Variants in ENOSF1 observed in about 807,000 individuals in gnomAD.
The protein encoded by ENOSF1 is enolase superfamily member 1, also known as mitochondrial enolase superfamily member 1.
Under a neutral mutation model 68.2 loss-of-function variants are expected in ENOSF1, and 73 were observed. The ratio of observed to expected loss-of-function variants is 1.07; its 90% CI spans 0.89 to 1.30. The LOEUF (loss-of-function observed/expected upper bound fraction) is 1.30. ENOSF1 is among the 50% of genes most tolerant of loss of function. The pLI is 0.00. For missense variants in ENOSF1, 589 were observed against 554.5 expected, an observed-to-expected ratio of 1.06 and a Z score of -0.62; for synonymous variants, 223 against 210.4, an observed-to-expected ratio of 1.06 and a Z score of -0.52.
Position 712,583 on chromosome 18 carries a change from A to C in ENOSF1, c.5T>G (p.Val2Gly). 2 of 1,477,536 alleles carry C rather than the reference A, an allele frequency of 1.4e-6. No individual in the cohort carries two copies. Among genetic ancestry groups the C allele is most frequent in the Non-Finnish European group, 1.8e-6 (2 of 1,110,186 alleles). 91.5% of individuals were successfully genotyped at this position (1,477,536 alleles called of 1,614,324 possible). M[V>G]RGRISRLSVR... The stretch of plus-strand genomic sequence containing the variant: ...CGAGAGCCGGGAGATCCTGCCGCGC[A>C]CCATGGCCCCTGCGCCCCGTGGCCG... The change falls in exon 1 of 16, where the codon GTG becomes GGG. Residue 2 changes from valine (V) to glycine (G), a missense_variant. Coordinates refer to ENST00000647584, the MANE Select transcript of ENOSF1 (RefSeq NM_017512.7).
Position 693,874 on chromosome 18 carries a change from C to T in ENOSF1, c.423+8G>A, listed in dbSNP as rs894844505. On this transcript the variant is annotated splice_region_variant and intron_variant, in intron 5 of 15. Coordinates refer to ENST00000647584, the MANE Select transcript of ENOSF1 (RefSeq NM_017512.7). Reference sequence around the variant, plus strand: ...AGAAACAATTGTAACATTAACAATGCTACTCACCATGTCCACAAGTAACTT... The same window carrying T: ...AGAAACAATTGTAACATTAACAATGTTACTCACCATGTCCACAAGTAACTT... 1 of 1,613,694 alleles carries T rather than the reference C, an allele frequency of 6.2e-7. No homozygotes were observed.
In ENOSF1 at chr18:712,415, A is replaced by T. The variant is rs531386054; in HGVS notation, c.84+89T>A. Reference sequence around the variant, plus strand: ...GCTTACCATGGCGTCCGCGCTTACCATGGCGTCCGCGCTTACCATGGCGTC... The same window carrying T: ...GCTTACCATGGCGTCCGCGCTTACCTTGGCGTCCGCGCTTACCATGGCGTC... On this transcript the variant is annotated intron_variant, in intron 1 of 15. Transcript: ENST00000647584. 3.6e-5 allele frequency: 25 copies of T among 691,152 alleles called. No homozygotes were observed. In the East Asian group the frequency reaches 6.8e-4, roughly 19 times the overall value. The allele number at this position is 691,152 out of a possible 1,614,324, so 42.8% of individuals were successfully genotyped here. A position where few individuals can be genotyped will look rare whatever the true frequency, so the allele number is the denominator to read the frequency against.
At chr18:698,797 T>C (rs1270373268) in intron 2 of ENOSF1, among the ~76,000 whole-genome samples, 2 of 152,062 alleles carry the variant, frequency 1.3e-5, no homozygotes, top group African/African-American at 4.8e-5. Context: ...ATTTCTTGTA[T>C]TTTTGGTAGA....
chr18:690,474 G>T, intron 8 of ENOSF1, 75 bp downstream of exon 8: 2 of 1,504,846 alleles, frequency 1.3e-6, no homozygotes, highest in South Asian at 2.3e-5. Flanking sequence ...TGAGAGTAGT[G>T]GTATGAGGAC....
intron 1 of ENOSF1, chr18:712,280 T>A: frequency 6.5e-7 from 1 of 1,530,690 alleles, no homozygotes; most frequent in South Asian, 1.2e-5. Flanking sequence ...AGCAATGGGT[T>A]CGAAGTCGGG....
intron 9 of ENOSF1, 117 bp from the exon 10 acceptor site, chr18:686,125 A>T (rs1194117649): frequency 1.3e-6 from 1 of 752,888 alleles, no homozygotes; most frequent in Non-Finnish European, 2.4e-6. Flanking sequence ...TTTTTTAGTA[A>T]CCTCTTGCTC....
At chr18:669,173 G>A, downstream of ENOSF1, 1 of 1,613,882 alleles carries the variant, frequency 6.2e-7, no homozygotes, top group South Asian at 1.1e-5. Flanking sequence ...GAATCCAAGA[G>A]GTTGAAAGAA....
At position 688,437 on chromosome 18, in the gene ENOSF1, C is replaced by A. The variant is rs2076834254; in HGVS notation, c.653+137G>T. The A allele has an allele frequency of 9.4e-6, 10 of 1,069,510 alleles. No individual in the cohort carries two copies. The South Asian group carries it at 1.5e-4, about 16-fold the overall frequency. The allele number at this position is 1,069,510 out of a possible 1,614,324, so 66.3% of individuals were successfully genotyped here. On this transcript the variant is annotated intron_variant, in intron 9 of 15. Coordinates refer to ENST00000647584, the MANE Select transcript of ENOSF1 (RefSeq NM_017512.7). The stretch of plus-strand genomic sequence containing the variant: ...AAGAGCCTGGCCTAAGGGGAAACTT[C>A]TCTTATGCATCCCTATGAGCCAGGG...
intron 10 of ENOSF1, among the ~76,000 whole-genome samples, chr18:685,532 A>T (rs1598609577): frequency 6.6e-6 from 1 of 152,318 alleles, no homozygotes; most frequent in Middle Eastern, 3.4e-3. Context: ...ATCAGAAATG[A>T]CTGATCCTTA....
chr18:691,402 G>A (rs1272433657), intron 5 of ENOSF1, 126 bp from the exon 6 acceptor site: 2 of 738,428 alleles, frequency 2.7e-6, no homozygotes, highest in Non-Finnish European at 4.4e-6. Flanking sequence ...CTGGAGTGCA[G>A]TGATGCCATC....
chr18:706,793 C>G, intron 1 of ENOSF1: 1 of 260,948 alleles, frequency 3.8e-6, no homozygotes, highest in Non-Finnish European at 6.8e-6. Context: ...TCAACAAGAG[C>G]AATGTATGTA....
chr18:684,574 T>C (rs755191532), intron 10 of ENOSF1, among the ~76,000 whole-genome samples: 2 of 152,074 alleles, frequency 1.3e-5, no homozygotes, highest in Non-Finnish European at 2.9e-5. Flanking sequence ...TATTAACCCA[T>C]TTTACAAATA....
intron 10 of ENOSF1, among the ~76,000 whole-genome samples, chr18:684,756 C>T (rs757255669): frequency 1.3e-5 from 2 of 152,086 alleles, no homozygotes; most frequent in Non-Finnish European, 2.9e-5. Flanking sequence ...CCCCTCATCC[C>T]TGATCTTATT....
In ENOSF1 at chr18:709,396, G is replaced by A. The variant is rs116863223; in HGVS notation, c.85-2818C>T. Among the ~76,000 whole-genome samples the A allele has an allele frequency of 7.9e-3, 1,202 of 152,284 alleles. 7 individuals are homozygous for A. The highest frequency in any genetic ancestry group is 0.011 in the Non-Finnish European group (756 of 68,024). ...GAAGAGGCAGCCGACAGCGGAAAACGTATCTGAGGGTAAGGACAGCTGAAG... is the reference window on the plus strand; with the variant it reads ...GAAGAGGCAGCCGACAGCGGAAAACATATCTGAGGGTAAGGACAGCTGAAG... On this transcript the variant is annotated intron_variant, in intron 1 of 15. Coordinates refer to ENST00000647584, the MANE Select transcript of ENOSF1 (RefSeq NM_017512.7).
In ENOSF1 at chr18:697,275, A is replaced by T; in HGVS notation, c.274T>A (p.Tyr92Asn). 6.2e-7 allele frequency: 1 copy of T among 1,614,048 alleles called. No individual in the cohort carries two copies. Among genetic ancestry groups the T allele is most frequent in the South Asian group, 1.1e-5 (1 of 91,074 alleles). Reference sequence around the variant, plus strand: ...TGCCCATCACTTGTGAGCTGCCTATAGAAGCCTCTGAAGTCACCAACAATG... The same window carrying T: ...TGCCCATCACTTGTGAGCTGCCTATTGAAGCCTCTGAAGTCACCAACAATG... Reference protein sequence around the residue: ...KDIVGDFRGFYRQLTSDGQLR... With the variant: ...KDIVGDFRGFNRQLTSDGQLR... Residue 92 changes from tyrosine (Y) to asparagine (N), a missense_variant, in exon 3 of 16, where the codon TAT becomes AAT. Transcript: ENST00000647584.
intron 8 of ENOSF1, among the ~76,000 whole-genome samples, chr18:688,923 A>C (rs1394185273): frequency 6.6e-6 from 1 of 152,154 alleles, no homozygotes. Context: ...ATGAGTGGAT[A>C]TAAGAGTAAC....
intron 4 of ENOSF1, 84 bp downstream of exon 4, chr18:694,164 T>C (rs2077483396): frequency 2.9e-6 from 4 of 1,361,304 alleles, no homozygotes; most frequent in Admixed American, 2.0e-5. Flanking sequence ...GGGGCTGCAG[T>C]GTGTCTGTCT....
At position 673,097 on chromosome 18, in the gene ENOSF1, G is replaced by A; in HGVS notation, c.*1208C>T. 7.7e-7 allele frequency: 1 copy of A among 1,306,254 alleles called. No individual in the cohort carries two copies. Among genetic ancestry groups the A allele is most frequent in the Non-Finnish European group, 1.0e-6 (1 of 973,768 alleles). The allele number at this position is 1,306,254 out of a possible 1,614,324, so 80.9% of individuals were successfully genotyped here. Reference sequence around the variant, plus strand: ...TTGCTCTAAAAGAAAAAGGAACTAGGTCAAAAATCTGTCCGTGACCTATCA... The same window carrying A: ...TTGCTCTAAAAGAAAAAGGAACTAGATCAAAAATCTGTCCGTGACCTATCA... On this transcript the variant is annotated 3_prime_UTR_variant, in exon 16 of 16. Coordinates refer to ENST00000647584, the MANE Select transcript of ENOSF1 (RefSeq NM_017512.7).
At chr18:699,789 G>A (rs2078125598) in intron 2 of ENOSF1, among the ~76,000 whole-genome samples, 1 of 152,162 alleles carries the variant, frequency 6.6e-6, no homozygotes, top group African/African-American at 2.4e-5. Flanking sequence ...GTTTGAAAGT[G>A]GTGCCCCAGG....
Sources: gnomAD v4.1 joint callset for allele counts (sites outside exome capture counted in the v4.1 genomes callset) on GRCh38, gnomAD v4.1.1 for gene constraint, MANE v1.5 for transcripts, NCBI Gene and HGNC (gene_info 2026-07-23, HGNC 2026-07-21) for gene names.